Variants in TTC6 observed in about 807,000 individuals in gnomAD.
The protein encoded by TTC6 is tetratricopeptide repeat domain 6.
In TTC6, 172 loss-of-function variants were observed where a neutral mutation model predicts 210.4. That is an observed-to-expected ratio of 0.82 (90% confidence interval 0.72 to 0.93). The LOEUF is 0.93. Among genes scored for constraint, TTC6 ranks in the 40% least tolerant of loss-of-function variants. The pLI, the probability that TTC6 is intolerant of heterozygous loss-of-function variation, is 0.00. For missense variants in TTC6, 2,414 were observed against 2,318.1 expected (o/e 1.04, Z -0.85); for synonymous variants, 804 against 819.6 (o/e 0.98, Z 0.32).
chr14:37,837,663 C>T (rs2096200943), intron 29 of TTC6: 1 of 175,810 alleles, frequency 5.7e-6, no homozygotes, highest in African/African-American at 2.4e-5. Flanking sequence ...TTCACTTAAC[C>T]CTCACATCAA....
chr14:37,821,005 CTCT>C (rs1352709452), intron 26 of TTC6, among the ~76,000 whole-genome samples: 12 of 97,956 alleles, frequency 1.2e-4, no homozygotes, highest in African/African-American at 3.9e-4. Flanking sequence ...CTTCCTCTTG[CTCT>C]TCTTCTTCTT....
chr14:37,651,282 T>C (rs1425441628), intron 1 of TTC6, among the ~76,000 whole-genome samples: 3 of 150,646 alleles, frequency 2.0e-5, no homozygotes, highest in African/African-American at 7.3e-5. Context: ...ATTCATACAT[T>C]GTTCTTAGAT....
rs1162219022 is a variant in TTC6, at chr14:37,804,824, G to A, written c.4164+10G>A. 6.2e-7 allele frequency: 1 copy of A among 1,610,088 alleles called. No individual in the cohort carries two copies. Among genetic ancestry groups the A allele is most frequent in the Non-Finnish European group, 8.5e-7 (1 of 1,178,614 alleles). On this transcript the variant is annotated intron_variant, in intron 21 of 30. Transcript: ENST00000553443. Reference sequence around the variant, plus strand: ...AGGCAATTTACAAATGGTATTTCGTGTATTTAGGAGTATAGATTATTTGTG... The same window carrying A: ...AGGCAATTTACAAATGGTATTTCGTATATTTAGGAGTATAGATTATTTGTG...
intron 1 of TTC6, among the ~76,000 whole-genome samples, chr14:37,650,986 G>A (rs2095710175): frequency 6.6e-6 from 1 of 152,128 alleles, no homozygotes. Context: ...TTTGAGAACT[G>A]GTTGGGCAGC....
In TTC6 at chr14:37,622,430, GC is replaced by G. The variant is rs1256965154; in HGVS notation, c.367del (p.Arg123GlyfsTer11). 2.0e-6 allele frequency: 3 copies of G among 1,534,770 alleles called. No homozygotes were observed. The African/African-American group carries it at 4.1e-5, about 21-fold the overall frequency. Reference sequence around the variant, plus strand: ...CGTTTCGCCCCCGGGACTTTTACTTGCGGAGCTCCGCGTTCCTACGGCACCA... The same window carrying G: ...CGTTTCGCCCCCGGGACTTTTACTTGGGAGCTCCGCGTTCCTACGGCACCA... On this transcript the variant is annotated frameshift_variant, in exon 1 of 31. Transcript: ENST00000553443. LOFTEE classifies it high-confidence loss of function.
chr14:37,742,888 G>T (rs977508307), intron 10 of TTC6, among the ~76,000 whole-genome samples: 1 of 152,084 alleles, frequency 6.6e-6, no homozygotes, highest in African/African-American at 2.4e-5. Flanking sequence ...TTGAATATTT[G>T]TTTCCCCATC....
At chr14:37,709,319 A>G (rs936736508) in intron 5 of TTC6, among the ~76,000 whole-genome samples, 4 of 152,102 alleles carry the variant, frequency 2.6e-5, no homozygotes, top group African/African-American at 4.8e-5. Context: ...GACTGAGGCA[A>G]AGCTTTGCAC....
chr14:37,745,775 C>G (rs1041558873), intron 10 of TTC6, among the ~76,000 whole-genome samples: 3 of 152,166 alleles, frequency 2.0e-5, no homozygotes, highest in Admixed American at 6.5e-5. Context: ...TCCCCTTTCT[C>G]ATACCTTTAG....
At chr14:37,680,158 C>G in exon 2 of TTC6, 1 of 1,524,482 alleles carries the variant, frequency 6.6e-7, no homozygotes, top group Non-Finnish European at 8.8e-7. Flanking sequence ...AAGGATATTT[C>G]TTTAATGGGA....
intron 24 of TTC6, among the ~76,000 whole-genome samples, chr14:37,811,309 C>T (rs2096129055): frequency 1.3e-5 from 2 of 152,082 alleles, no homozygotes; most frequent in Admixed American, 1.3e-4. Context: ...TTGACAAATA[C>T]TACTGATTTT....
At position 37,796,783 on chromosome 14, in the gene TTC6, T is replaced by C. The variant is rs758189630; in HGVS notation, c.3869-4T>C. On this transcript the variant is annotated splice_region_variant and splice_polypyrimidine_tract_variant and intron_variant, in intron 19 of 30. Transcript: ENST00000553443. ...GATATTGATAAACTTTCCTTCCCTT[T>C]TAGGTCTCAGTGAGTTGAGTCCTAT... The C allele has an allele frequency of 1.9e-6, 3 of 1,594,852 alleles. No individual in the cohort carries two copies. The South Asian group carries it at 3.5e-5, about 19-fold the overall frequency.
At chr14:37,781,399 A>C (rs1335428088) in intron 14 of TTC6, among the ~76,000 whole-genome samples, 1 of 152,090 alleles carries the variant, frequency 6.6e-6, no homozygotes, top group Admixed American at 6.5e-5. Flanking sequence ...GCATTTTTTC[A>C]TATGTCTGTT....
At chr14:37,765,641 C>G (rs188815559) in intron 14 of TTC6, among the ~76,000 whole-genome samples, 1 of 152,102 alleles carries the variant, frequency 6.6e-6, no homozygotes, top group Admixed American at 6.6e-5. Flanking sequence ...TGTTGGTGTT[C>G]TTTACCTTGT....
At chr14:37,826,165 C>CTTCA in intron 27 of TTC6, 30 bp from the exon 30 acceptor site, 1 of 1,572,440 alleles carries the variant, frequency 6.4e-7, no homozygotes, top group Non-Finnish European at 8.6e-7. Context: ...GGAGTATTTC[C>CTTCA]TACTTCGTGT....
chr14:37,613,875 T>G (rs1350771765), intron 2 of TTC6, among the ~76,000 whole-genome samples: 1 of 152,094 alleles, frequency 6.6e-6, no homozygotes, highest in Non-Finnish European at 1.5e-5. Context: ...GATGGGTTTT[T>G]AAATTTTGTT....
intron 12 of TTC6, among the ~76,000 whole-genome samples, chr14:37,750,563 G>T (rs927082353): frequency 2.6e-5 from 4 of 152,112 alleles, no homozygotes; most frequent in Admixed American, 6.5e-5. Flanking sequence ...CAGCCTTTGA[G>T]AACAAATTTG....
At chr14:37,771,325 T>C (rs556198538) in intron 14 of TTC6, among the ~76,000 whole-genome samples, 6 of 151,930 alleles carry the variant, frequency 3.9e-5, no homozygotes, top group African/African-American at 1.4e-4. Flanking sequence ...GCGTTCTCTG[T>C]ATTTCCTGAA....
chr14:37,651,813 T>C (rs1018339985), intron 1 of TTC6, among the ~76,000 whole-genome samples: 19 of 151,894 alleles, frequency 1.3e-4, no homozygotes, highest in African/African-American at 4.4e-4. Context: ...TAAAAAAAAG[T>C]ATAGCGGGCA....
chr14:37,780,062 G>T (rs12888912), intron 14 of TTC6, among the ~76,000 whole-genome samples: 63,705 of 151,972 alleles, frequency 0.42, 13,789 homozygotes, highest in Admixed American at 0.48. Flanking sequence ...ATGAATGAAT[G>T]AATTAATTAA....
Sources: gnomAD v4.1 joint callset for allele counts (sites outside exome capture counted in the v4.1 genomes callset) on GRCh38, gnomAD v4.1.1 for gene constraint, MANE v1.5 for transcripts, NCBI Gene and HGNC (gene_info 2026-07-23, HGNC 2026-07-21) for gene names.